SLC8A3: variants seen among roughly 807,000 people sequenced by gnomAD.
The protein encoded by SLC8A3 is sodium/calcium exchanger 3.
SLC8A3 carries 37 observed loss-of-function variants against 65.4 expected under a neutral mutation model. The observed-to-expected ratio is 0.57, with a 90% CI of 0.44 to 0.74. The LOEUF is 0.74. Ranked by LOEUF, SLC8A3 falls within the 30% of genes least tolerant of loss-of-function variation. The probability of loss-of-function intolerance (pLI) is 0.00; values close to 1 mark genes in which losing one functional copy is unlikely to be tolerated. For synonymous variants in SLC8A3, 461 were observed against 444.5 expected, an observed-to-expected ratio of 1.04 and a Z score of -0.47; for missense variants, 1,112 against 1,172.1, an observed-to-expected ratio of 0.95 and a Z score of 0.75.
In SLC8A3 at chr14:70,060,906, C is replaced by T; in HGVS notation, c.1818G>A (p.Glu606=). The T allele has an allele frequency of 1.3e-6, 2 of 1,520,186 alleles. No homozygotes were observed. Among genetic ancestry groups the T allele is most frequent in the Non-Finnish European group, 1.8e-6 (2 of 1,135,672 alleles). The allele number at this position is 1,520,186 out of a possible 1,614,324, so 94.2% of individuals were successfully genotyped here. ...AGAAATTCTCTTGCCTTTCGTATTC[C>T]TCCTCATCTACTATTTTAACCCTTA... ...KTIRVKIVDE[E]EYERQENFFI... Residue 606 remains glutamate, a synonymous_variant, in exon 3 of 7, where the codon GAG becomes GAA. Transcript: ENST00000356921.
At chr14:70,101,230 T>A (rs142610128) in intron 2 of SLC8A3, among the ~76,000 whole-genome samples, 9 of 152,252 alleles carry the variant, frequency 5.9e-5, no homozygotes, top group African/African-American at 2.2e-4. Flanking sequence ...ATAAGTGCTT[T>A]GAAGGAAAAA....
intron 2 of SLC8A3, among the ~76,000 whole-genome samples, chr14:70,089,610 T>G (rs1346752500): frequency 6.6e-6 from 1 of 152,130 alleles, no homozygotes; most frequent in Non-Finnish European, 1.5e-5. Flanking sequence ...TGACTAGATA[T>G]GAGGGAACAG....
chr14:70,125,810 A>G (rs1327403052), intron 2 of SLC8A3, among the ~76,000 whole-genome samples: 1 of 152,124 alleles, frequency 6.6e-6, no homozygotes, highest in African/African-American at 2.4e-5. Context: ...CCTCATCCCC[A>G]TGGGTTCTGA....
At chr14:70,107,938 T>C (rs1892988102) in intron 2 of SLC8A3, among the ~76,000 whole-genome samples, 1 of 152,128 alleles carries the variant, frequency 6.6e-6, no homozygotes, top group Non-Finnish European at 1.5e-5. Flanking sequence ...CTCTGATAGA[T>C]GTTTGGCATC....
At chr14:70,172,029 G>C (rs1008589912) in intron 1 of SLC8A3, among the ~76,000 whole-genome samples, 1 of 152,210 alleles carries the variant, frequency 6.6e-6, no homozygotes, top group East Asian at 1.9e-4. Context: ...CACCAATTGA[G>C]ATAGATCCCA....
intron 3 of SLC8A3, among the ~76,000 whole-genome samples, chr14:70,056,086 G>A (rs1250894948): frequency 6.6e-6 from 1 of 152,198 alleles, no homozygotes; most frequent in Non-Finnish European, 1.5e-5. Flanking sequence ...CCTAGGGCTA[G>A]GAATGGAGGA....
intron 3 of SLC8A3, chr14:70,055,918 G>C (rs1888061741): frequency 9.9e-7 from 1 of 1,010,960 alleles, no homozygotes; most frequent in Admixed American, 2.2e-5. Flanking sequence ...GCAGCATAAG[G>C]AAAGCAGAGA....
intron 2 of SLC8A3, among the ~76,000 whole-genome samples, chr14:70,090,334 T>C (rs1891722355): frequency 6.6e-6 from 1 of 152,162 alleles, no homozygotes. Context: ...AGTGAATAAT[T>C]ATCAGTACTT....
intron 2 of SLC8A3, among the ~76,000 whole-genome samples, chr14:70,130,938 T>C (rs1481731075): frequency 6.6e-6 from 1 of 152,192 alleles, no homozygotes; most frequent in East Asian, 1.9e-4. Flanking sequence ...GAGATGCAGA[T>C]TTGAATCTTC....
chr14:70,158,771 A>C (rs79780771), intron 2 of SLC8A3, among the ~76,000 whole-genome samples: 7,454 of 152,250 alleles, frequency 0.049, 223 homozygotes, highest in Middle Eastern at 0.075. Flanking sequence ...GTTCCACCAC[A>C]TTCAACTTTA....
chr14:70,166,478 A>G (rs1200885449), intron 2 of SLC8A3, among the ~76,000 whole-genome samples, 161 bp downstream of exon 2: 1 of 152,228 alleles, frequency 6.6e-6, no homozygotes, highest in Non-Finnish European at 1.5e-5. Flanking sequence ...TGGAAGCAGA[A>G]CCTGTCCAGT....
At chr14:70,149,858 A>G (rs1896154478) in intron 2 of SLC8A3, among the ~76,000 whole-genome samples, 1 of 152,170 alleles carries the variant, frequency 6.6e-6, no homozygotes, top group Admixed American at 6.5e-5. Flanking sequence ...CGGGATGCAG[A>G]GGAGTCAACC....
chr14:70,088,900 C>A (rs1178882946), intron 2 of SLC8A3, among the ~76,000 whole-genome samples: 1 of 152,130 alleles, frequency 6.6e-6, no homozygotes, highest in Non-Finnish European at 1.5e-5. Flanking sequence ...ACCTCATGAA[C>A]ACATTTTCTT....
chr14:70,106,510 T>C (rs1892883688), intron 2 of SLC8A3, among the ~76,000 whole-genome samples: 1 of 152,164 alleles, frequency 6.6e-6, no homozygotes. Flanking sequence ...TCACACTTAA[T>C]TAACTCTGTT....
At chr14:70,076,676 C>T (rs959735376) in intron 2 of SLC8A3, among the ~76,000 whole-genome samples, 1 of 152,166 alleles carries the variant, frequency 6.6e-6, no homozygotes, top group Non-Finnish European at 1.5e-5. Flanking sequence ...GCTCCTGTTT[C>T]CCTTCCCAAA....
chr14:70,071,928 CCTTTTG>C (rs1207593389), intron 2 of SLC8A3, among the ~76,000 whole-genome samples: 3 of 152,116 alleles, frequency 2.0e-5, no homozygotes, highest in Non-Finnish European at 4.4e-5. Flanking sequence ...CACAGACTCC[CCTTTTG>C]CTTTGGTATC....
At chr14:70,173,416 C>G (rs1897671553) in intron 1 of SLC8A3, among the ~76,000 whole-genome samples, 1 of 152,218 alleles carries the variant, frequency 6.6e-6, no homozygotes, top group African/African-American at 2.4e-5. Context: ...TTCCTAACGC[C>G]TCTGAGGCCA....
chr14:70,123,451 A>ATTT (rs138400053), intron 2 of SLC8A3, among the ~76,000 whole-genome samples: 2 of 143,528 alleles, frequency 1.4e-5, no homozygotes, highest in East Asian at 2.0e-4. Context: ...TTTCCTGTCT[A>ATTT]TTTTTTTTTT....
At chr14:70,143,091 G>A (rs1895681215) in intron 2 of SLC8A3, among the ~76,000 whole-genome samples, 1 of 152,162 alleles carries the variant, frequency 6.6e-6, no homozygotes, top group Non-Finnish European at 1.5e-5. Flanking sequence ...CCCCTTAAAT[G>A]AGCGCTGTTG....
Sources: gnomAD v4.1 joint callset for allele counts (sites outside exome capture counted in the v4.1 genomes callset) on GRCh38, gnomAD v4.1.1 for gene constraint, MANE v1.5 for transcripts, NCBI Gene and HGNC (gene_info 2026-07-23, HGNC 2026-07-21) for gene names.